Variants in NEK10 observed in about 807,000 individuals in gnomAD.
NEK10 encodes the protein NIMA related kinase 10, also known as serine/threonine-protein kinase Nek10.
A neutral mutation model predicts 159.8 loss-of-function variants in NEK10; 122 were observed. The observed-to-expected ratio is 0.76, with a 90% CI of 0.66 to 0.89. The LOEUF is 0.89. NEK10 is among the 40% of genes least tolerant of loss of function. NEK10 has a pLI of 0.00. For synonymous variants in NEK10, 466 were observed against 457.1 expected (o/e 1.02, Z -0.25); for missense variants, 1,342 against 1,323.1 (o/e 1.01, Z -0.22).
chr3:27,131,433 T>G (rs185139007), intron 32 of NEK10, among the ~76,000 whole-genome samples: 39 of 152,302 alleles, frequency 2.6e-4, no homozygotes, highest in Non-Finnish European at 5.1e-4. Context: ...TCTAGAAGAT[T>G]GTAGACTATC....
At chr3:27,323,032 T>A (rs1267952016) in intron 5 of NEK10, among the ~76,000 whole-genome samples, 1 of 152,134 alleles carries the variant, frequency 6.6e-6, no homozygotes, top group Non-Finnish European at 1.5e-5. Flanking sequence ...AGGGATAAAG[T>A]ATTTTTTTAG....
At chr3:27,132,287 T>C (rs1942715651) in intron 31 of NEK10, among the ~76,000 whole-genome samples, 1 of 152,232 alleles carries the variant, frequency 6.6e-6, no homozygotes, top group Non-Finnish European at 1.5e-5. Flanking sequence ...ATATACTGAA[T>C]TTTGTGAAGA....
intron 23 of NEK10, among the ~76,000 whole-genome samples, chr3:27,203,658 G>T (rs189021007): frequency 1.4e-4 from 21 of 152,220 alleles, no homozygotes; most frequent in African/African-American, 4.6e-4. Context: ...CTCTAATGGA[G>T]TAAAGATTAA....
Position 27,304,864 on chromosome 3 carries a change from T to A in NEK10, c.911A>T (p.His304Leu). 1 of 1,613,350 alleles carries A rather than the reference T, an allele frequency of 6.2e-7. No homozygotes were observed. ...GACAATGCTCCAGAGGAGCTTCAAG[T>A]GGTCAGAGTGGAGCAGACTGAGGAG... ...PVLLSLLHSDHLKLLWSIVWI... is the reference protein window; with the variant it reads ...PVLLSLLHSDLLKLLWSIVWI... Residue 304 changes from histidine (H) to leucine (L), a missense_variant, in exon 12 of 36, where the codon CAC becomes CTC. Physicochemically the swap from His to Leu is moderately conservative, Grantham distance 99. Coordinates refer to ENST00000691995, the MANE Select transcript of NEK10 (RefSeq NM_001394966.1).
chr3:27,212,748 T>A (rs1248250322), intron 23 of NEK10, among the ~76,000 whole-genome samples: 2 of 152,078 alleles, frequency 1.3e-5, no homozygotes, highest in Non-Finnish European at 2.9e-5. Flanking sequence ...AGGGCTTGAG[T>A]ATGTTTGACA....
chr3:27,245,103 C>G (rs1954926506), intron 23 of NEK10, among the ~76,000 whole-genome samples: 1 of 152,166 alleles, frequency 6.6e-6, no homozygotes, highest in Non-Finnish European at 1.5e-5. Flanking sequence ...ATTTAGCCCA[C>G]TGCATCATTT....
At chr3:27,150,769 G>C (rs1329702500) in intron 30 of NEK10, among the ~76,000 whole-genome samples, 1 of 152,112 alleles carries the variant, frequency 6.6e-6, no homozygotes, top group Non-Finnish European at 1.5e-5. Context: ...GTTTCATAAG[G>C]CTATAGCTGC....
At chr3:27,115,794 T>C in intron 35 of NEK10, 146 bp downstream of exon 35, 1 of 631,930 alleles carries the variant, frequency 1.6e-6, no homozygotes, top group Admixed American at 3.0e-5. Flanking sequence ...TATAGATGTA[T>C]CTAGTCTAAG....
intron 22 of NEK10, among the ~76,000 whole-genome samples, chr3:27,263,097 G>C (rs565291343): frequency 1.1e-3 from 164 of 152,342 alleles, no homozygotes; most frequent in African/African-American, 3.8e-3. Flanking sequence ...GACCCTGTTT[G>C]CCTGGGTATC....
intron 4 of NEK10, 39 bp from the exon 5 acceptor site, chr3:27,344,409 A>G (rs2047411126): frequency 3.6e-6 from 4 of 1,096,350 alleles, no homozygotes; most frequent in Non-Finnish European, 4.1e-6. Context: ...TGTAATAGAG[A>G]TCAGGCTGTC....
chr3:27,177,903 G>C (rs1164043165), intron 26 of NEK10, among the ~76,000 whole-genome samples: 1 of 152,212 alleles, frequency 6.6e-6, no homozygotes, highest in African/African-American at 2.4e-5. Context: ...AGTTTTTGGA[G>C]ACAGAATTTG....
chr3:27,210,071 T>C (rs1950874385), intron 23 of NEK10, among the ~76,000 whole-genome samples: 1 of 151,970 alleles, frequency 6.6e-6, no homozygotes, highest in Non-Finnish European at 1.5e-5. Context: ...ATCTATTTTT[T>C]CTGAGAACTG....
chr3:27,201,786 A>T (rs920103401), intron 24 of NEK10, among the ~76,000 whole-genome samples: 1 of 152,232 alleles, frequency 6.6e-6, no homozygotes, highest in Non-Finnish European at 1.5e-5. Context: ...TGAGTTAAAA[A>T]TTAACCTTAG....
chr3:27,134,937 G>A (rs79471450), intron 31 of NEK10, among the ~76,000 whole-genome samples: 112 of 152,154 alleles, frequency 7.4e-4, no homozygotes, highest in African/African-American at 2.6e-3. Flanking sequence ...TCATTTATGC[G>A]CAGTCTCACT....
chr3:27,145,937 C>T (rs148655402), intron 30 of NEK10, among the ~76,000 whole-genome samples: 1 of 152,180 alleles, frequency 6.6e-6, no homozygotes, highest in East Asian at 1.9e-4. Context: ...GTGGTCACCC[C>T]CTTCTACCAT....
At chr3:27,118,257 T>A (rs1940771800) in intron 33 of NEK10, among the ~76,000 whole-genome samples, 1 of 152,226 alleles carries the variant, frequency 6.6e-6, no homozygotes, top group African/African-American at 2.4e-5. Context: ...ATGTGATGCC[T>A]CCAGCTTTGT....
chr3:27,182,940 G>C (rs1186716395), intron 26 of NEK10, among the ~76,000 whole-genome samples: 3 of 151,772 alleles, frequency 2.0e-5, no homozygotes, highest in African/African-American at 7.3e-5. Flanking sequence ...GAGAGGAGAG[G>C]GGGGATAAAA....
intron 22 of NEK10, among the ~76,000 whole-genome samples, chr3:27,269,126 G>A (rs2041133530): frequency 6.6e-6 from 1 of 152,142 alleles, no homozygotes; most frequent in Non-Finnish European, 1.5e-5. Flanking sequence ...TGCTTCTTCT[G>A]GATGAGCAAA....
At chr3:27,297,351 A>C in intron 13 of NEK10, 111 bp from the exon 14 acceptor site, 1 of 691,562 alleles carries the variant, frequency 1.4e-6, no homozygotes, top group Non-Finnish European at 2.5e-6. Flanking sequence ...TTTTATTAGC[A>C]AAGTAACTTC....
Sources: allele counts gnomAD v4.1 joint callset (sites outside exome capture counted in the v4.1 genomes callset), GRCh38; gene constraint gnomAD v4.1.1; transcripts MANE v1.5; gene names NCBI Gene and HGNC (gene_info 2026-07-23, HGNC 2026-07-21).